DNAJB1: variants seen among roughly 807,000 people sequenced by gnomAD.
DNAJB1 encodes the protein DnaJ heat shock protein family (Hsp40) member B1.
In DNAJB1, 14 loss-of-function variants were observed where a neutral mutation model predicts 24.0. The observed-to-expected ratio is 0.58, with a 90% confidence interval of 0.39 to 0.91. The LOEUF is 0.91. DNAJB1 is among the 40% of genes least tolerant of loss of function. The pLI is 0.00. For synonymous variants in DNAJB1, 262 were observed against 174.4 expected (o/e 1.50, Z -3.96); for missense variants, 517 against 458.1 (o/e 1.13, Z -1.17).
chr19:14,528,563 A>G (rs1395843545), intron 1 of DNAJB1, among the ~76,000 whole-genome samples: 3 of 152,070 alleles, frequency 2.0e-5, no homozygotes, highest in Admixed American at 6.6e-5. Context: ...TCAAGGGCTC[A>G]GTGGCCCCAT....
chr19:14,555,222 A>G (rs951097093), upstream of DNAJB1, among the ~76,000 whole-genome samples: 10 of 151,532 alleles, frequency 6.6e-5, no homozygotes, highest in Non-Finnish European at 1.3e-4. Context: ...GTAGGACCAT[A>G]GGTGCGAGTC....
upstream of DNAJB1, among the ~76,000 whole-genome samples, chr19:14,521,986 A>C (rs1027144335): frequency 2.0e-5 from 3 of 152,092 alleles, no homozygotes; most frequent in African/African-American, 7.2e-5. Flanking sequence ...TAAACAAACA[A>C]ACAAACCCAG....
upstream of DNAJB1, among the ~76,000 whole-genome samples, chr19:14,534,423 C>CTTTT (rs756051119): frequency 1.0e-3 from 55 of 52,490 alleles, 14 homozygotes; most frequent in African/African-American, 3.9e-3. Context: ...CATGCCTGGC[C>CTTTT]TTTTTTTTTT....
At chr19:14,529,419 C>CG, upstream of DNAJB1, 1 of 603,114 alleles carries the variant, frequency 1.7e-6, no homozygotes, top group Non-Finnish European at 3.0e-6. Flanking sequence ...GCCCCTCCTA[C>CG]AGGCGTTCCG....
chr19:14,530,330 C>T (rs1425456756), upstream of DNAJB1: 1 of 155,088 alleles, frequency 6.4e-6, no homozygotes, highest in Non-Finnish European at 1.4e-5. Flanking sequence ...TCTTGAAGCC[C>T]AAGTCTTCTG....
chr19:14,532,724 C>T (rs191026468), upstream of DNAJB1, among the ~76,000 whole-genome samples: 1 of 152,238 alleles, frequency 6.6e-6, no homozygotes, highest in East Asian at 1.9e-4. Context: ...ATTAGTTTAA[C>T]TGCATGTGTG....
intron 1 of DNAJB1, among the ~76,000 whole-genome samples, chr19:14,537,312 A>G (rs1308512237): frequency 6.6e-6 from 1 of 151,006 alleles, no homozygotes; most frequent in Non-Finnish European, 1.5e-5. Context: ...GGGACCGAGT[A>G]ACAAGAAGGT....
At chr19:14,532,704 T>C (rs997183487), upstream of DNAJB1, among the ~76,000 whole-genome samples, 8 of 152,132 alleles carry the variant, frequency 5.3e-5, no homozygotes, top group African/African-American at 1.7e-4. Flanking sequence ...GCGGATTGCA[T>C]AGCAAGCAGA....
At chr19:14,548,966 A>G (rs1322447569) in intron 1 of DNAJB1, among the ~76,000 whole-genome samples, 2 of 152,264 alleles carry the variant, frequency 1.3e-5, no homozygotes, top group Admixed American at 1.3e-4. Context: ...CTATTTATGG[A>G]CACCAAAATT....
intron 1 of DNAJB1, among the ~76,000 whole-genome samples, chr19:14,555,905 G>A (rs1385845856): frequency 6.6e-6 from 1 of 152,020 alleles, no homozygotes; most frequent in African/African-American, 2.4e-5. Context: ...CCTCTCTATA[G>A]CTCCCTCTTT....
chr19:14,542,347 G>GTTTTTTTTTT (rs71166754), intron 1 of DNAJB1, among the ~76,000 whole-genome samples: 710 of 43,278 alleles, frequency 0.016, 161 homozygotes, highest in Middle Eastern at 0.043. Context: ...ATGCCATAGT[G>GTTTTTTTTTT]TTTTTTTTTT....
intron 1 of DNAJB1, among the ~76,000 whole-genome samples, chr19:14,540,178 G>C (rs1050079172): frequency 6.6e-6 from 1 of 151,798 alleles, no homozygotes; most frequent in East Asian, 1.9e-4. Context: ...TCCTGCCTCA[G>C]CCTCCCGAGT....
At chr19:14,541,490 C>T (rs1379755940) in intron 1 of DNAJB1, among the ~76,000 whole-genome samples, 3 of 152,244 alleles carry the variant, frequency 2.0e-5, no homozygotes, top group African/African-American at 7.2e-5. Context: ...GTTTTCCAGT[C>T]CATCACTTAT....
chr19:14,553,793 C>CA (rs2073623475), upstream of DNAJB1, among the ~76,000 whole-genome samples: 1 of 152,148 alleles, frequency 6.6e-6, no homozygotes, highest in Admixed American at 6.5e-5. Flanking sequence ...ATTGGCTGGA[C>CA]AGGGAGCTCA....
chr19:14,535,321 C>T (rs1202196762), intron 1 of DNAJB1, among the ~76,000 whole-genome samples: 1 of 150,820 alleles, frequency 6.6e-6, no homozygotes, highest in Non-Finnish European at 1.5e-5. Context: ...TCCTGGCTAA[C>T]ACAGTGAAAC....
upstream of DNAJB1, among the ~76,000 whole-genome samples, chr19:14,534,700 G>A (rs1053744099): frequency 6.6e-6 from 1 of 152,144 alleles, no homozygotes; most frequent in Non-Finnish European, 1.5e-5. Context: ...GCATCCCAAA[G>A]TGCTGGGATT....
At chr19:14,547,103 C>T (rs192794831) in intron 1 of DNAJB1, among the ~76,000 whole-genome samples, 31 of 142,856 alleles carry the variant, frequency 2.2e-4, no homozygotes, top group East Asian at 3.9e-4. Flanking sequence ...CAGAAACCAA[C>T]GTCAAAGCAA....
chr19:14,529,803 T>G, upstream of DNAJB1: 1 of 1,582,974 alleles, frequency 6.3e-7, no homozygotes, highest in Non-Finnish European at 8.6e-7. Context: ...TCTGGTCCTG[T>G]GCCCCGAAGG....
upstream of DNAJB1, among the ~76,000 whole-genome samples, chr19:14,554,307 G>T (rs1271010999): frequency 6.6e-6 from 1 of 152,150 alleles, no homozygotes; most frequent in Non-Finnish European, 1.5e-5. Flanking sequence ...TCACCATTAG[G>T]CAGGTCACGT....
Sources: gnomAD v4.1 joint callset for allele counts (sites outside exome capture counted in the v4.1 genomes callset) on GRCh38, gnomAD v4.1.1 for gene constraint, MANE v1.5 for transcripts, NCBI Gene and HGNC (gene_info 2026-07-23, HGNC 2026-07-21) for gene names.